Variants in CHCHD3 observed in about 807,000 individuals in gnomAD.
CHCHD3 encodes the protein MICOS complex subunit MIC19.
In CHCHD3, 20 loss-of-function variants were observed where a neutral mutation model predicts 38.2. That is an observed-to-expected ratio of 0.52 (90% CI 0.37 to 0.76). CHCHD3 has a LOEUF of 0.76. Ranked by LOEUF, CHCHD3 falls within the 30% of genes least tolerant of loss-of-function variation. CHCHD3 has a pLI of 0.00. For synonymous variants in CHCHD3, 82 were observed against 100.0 expected, an observed-to-expected ratio of 0.82 and a Z score of 1.07; for missense variants, 245 against 279.2, an observed-to-expected ratio of 0.88 and a Z score of 0.87.
chr7:133,019,133 T>C (rs1813110559), intron 3 of CHCHD3, among the ~76,000 whole-genome samples: 1 of 152,056 alleles, frequency 6.6e-6, no homozygotes, highest in African/African-American at 2.4e-5. Flanking sequence ...TCTGCCCACC[T>C]CAGCCTCCCA....
intron 4 of CHCHD3, among the ~76,000 whole-genome samples, chr7:132,971,983 A>AG (rs1165457105): frequency 1.3e-5 from 2 of 151,256 alleles, no homozygotes; most frequent in Non-Finnish European, 2.9e-5. Context: ...AAACAACAGC[A>AG]GGCTTGCGAT....
At chr7:132,821,747 CT>C (rs71178063) in intron 6 of CHCHD3, among the ~76,000 whole-genome samples, 62 of 100,266 alleles carry the variant, frequency 6.2e-4, no homozygotes, top group African/African-American at 1.4e-3. Context: ...GCACTCAAAT[CT>C]TTTTTTTTTT....
intron 6 of CHCHD3, among the ~76,000 whole-genome samples, chr7:132,823,338 T>A (rs1807431606): frequency 6.6e-6 from 1 of 152,192 alleles, no homozygotes; most frequent in Admixed American, 6.5e-5. Flanking sequence ...ACTATGTTTT[T>A]TCCTACACAT....
Position 132,885,739 on chromosome 7 carries a change from G to C in CHCHD3, c.376C>G (p.Gln126Glu), listed in dbSNP as rs373917058. ...ERAKAKHLARQLEEKDRVLKK... is the reference protein window; with the variant it reads ...ERAKAKHLARELEEKDRVLKK... ...AGCACTCGGTCTTTCTCTTCCAGCTGCCTAGCCTAAAAAAAGAAATGAGGA... is the reference window on the plus strand; with the variant it reads ...AGCACTCGGTCTTTCTCTTCCAGCTCCCTAGCCTAAAAAAAGAAATGAGGA... The change falls in exon 5 of 8, where the codon CAG becomes GAG. Residue 126 changes from glutamine (Q) to glutamate (E), a missense_variant. Transcript: ENST00000262570. The C allele has an allele frequency of 4.7e-5, 76 of 1,606,216 alleles. No homozygotes were observed. The East Asian group carries it at 9.2e-4, about 19-fold the overall frequency.
chr7:132,986,025 A>G (rs1254681104), intron 3 of CHCHD3, among the ~76,000 whole-genome samples: 1 of 150,982 alleles, frequency 6.6e-6, no homozygotes, highest in African/African-American at 2.4e-5. Flanking sequence ...AGAAAGAGGT[A>G]GACATGGGAG....
chr7:133,030,804 T>C (rs547130113), intron 2 of CHCHD3, among the ~76,000 whole-genome samples: 1 of 152,272 alleles, frequency 6.6e-6, no homozygotes, highest in South Asian at 2.1e-4. Flanking sequence ...TAGTTATAGA[T>C]ATAAACACTG....
In CHCHD3 at chr7:132,898,978, C is replaced by T. The variant is rs953759887; in HGVS notation, c.370-13233G>A. On this transcript the variant is annotated intron_variant, in intron 4 of 7. Transcript: ENST00000262570. ...GCCGCACACAGCCCCGGTTCCCGCTCGCGCCTCCCCCTCCACACCTCCCTA... is the reference window on the plus strand; with the variant it reads ...GCCGCACACAGCCCCGGTTCCCGCTTGCGCCTCCCCCTCCACACCTCCCTA... Among the ~76,000 whole-genome samples the T allele has an allele frequency of 3.9e-5, 6 of 152,212 alleles. No homozygotes were observed. The East Asian group carries it at 1.2e-3, about 29-fold the overall frequency.
At chr7:132,937,352 A>G (rs1178312795) in intron 4 of CHCHD3, among the ~76,000 whole-genome samples, 1 of 152,216 alleles carries the variant, frequency 6.6e-6, no homozygotes, top group Non-Finnish European at 1.5e-5. Flanking sequence ...ATACTAAAAT[A>G]ACTGGACTAT....
At chr7:133,025,521 T>C (rs1212895975) in intron 2 of CHCHD3, among the ~76,000 whole-genome samples, 1 of 152,246 alleles carries the variant, frequency 6.6e-6, no homozygotes, top group Non-Finnish European at 1.5e-5. Context: ...TGTTTGTTTG[T>C]TGAGACAGAG....
chr7:133,071,747 C>A (rs1253777794), intron 1 of CHCHD3, among the ~76,000 whole-genome samples: 1 of 152,170 alleles, frequency 6.6e-6, no homozygotes, highest in East Asian at 1.9e-4. Flanking sequence ...CATATCCATA[C>A]AACACTATAC....
At chr7:132,954,971 T>C (rs1811123664) in intron 4 of CHCHD3, among the ~76,000 whole-genome samples, 1 of 152,110 alleles carries the variant, frequency 6.6e-6, no homozygotes, top group Admixed American at 6.6e-5. Flanking sequence ...AGAGATGGGT[T>C]TCCTCTCTGA....
chr7:133,063,880 C>G (rs540647211), intron 2 of CHCHD3, among the ~76,000 whole-genome samples: 2 of 152,136 alleles, frequency 1.3e-5, no homozygotes, highest in Non-Finnish European at 2.9e-5. Context: ...CTGAATTAAT[C>G]TGGTCTGTGT....
chr7:132,990,567 G>C (rs1812249640), intron 3 of CHCHD3, among the ~76,000 whole-genome samples: 2 of 152,252 alleles, frequency 1.3e-5, no homozygotes, highest in South Asian at 4.1e-4. Context: ...GAGAGACATG[G>C]GTGGGGTCTC....
At chr7:132,994,226 C>T (rs1812356248) in intron 3 of CHCHD3, among the ~76,000 whole-genome samples, 1 of 152,140 alleles carries the variant, frequency 6.6e-6, no homozygotes, top group African/African-American at 2.4e-5. Flanking sequence ...AAACTGTGAA[C>T]ACCAAAACAA....
chr7:132,797,431 C>A (rs532654563), intron 6 of CHCHD3, among the ~76,000 whole-genome samples: 1 of 152,180 alleles, frequency 6.6e-6, no homozygotes, highest in Admixed American at 6.5e-5. Context: ...TTTATGGTGA[C>A]CCCATTGGTC....
intron 4 of CHCHD3, among the ~76,000 whole-genome samples, chr7:132,970,400 T>G (rs1160370854): frequency 2.0e-5 from 3 of 152,258 alleles, no homozygotes; most frequent in Non-Finnish European, 4.4e-5. Flanking sequence ...GACTGCTTAC[T>G]GTTTGCTCAG....
intron 7 of CHCHD3, among the ~76,000 whole-genome samples, chr7:132,792,322 G>T (rs1235172752): frequency 3.3e-5 from 5 of 152,224 alleles, no homozygotes; most frequent in Non-Finnish European, 5.9e-5. Context: ...CTGCCAGCCA[G>T]TGCAGAGACA....
In CHCHD3 at chr7:132,937,911, CA is replaced by C. The variant is rs1411625186; in HGVS notation, c.369+37257del. ...AACTGATCTTTCATTTGTTAAAAGA[CA>C]TTTCCTTTTCAAAGTACCTTATTAC... On this transcript the variant is annotated intron_variant, in intron 4 of 7. Transcript: ENST00000262570. Among the ~76,000 whole-genome samples the C allele has an allele frequency of 7.1e-4, 108 of 152,276 alleles. No homozygotes were observed. In the Middle Eastern group the frequency reaches 0.024, roughly 34 times the overall value.
chr7:132,928,784 G>T (rs1308277318), intron 4 of CHCHD3, among the ~76,000 whole-genome samples: 9 of 152,110 alleles, frequency 5.9e-5, no homozygotes, highest in Admixed American at 5.9e-4. Flanking sequence ...GAAAATGGAG[G>T]CCATTCAGGA....
Sources: gnomAD v4.1 joint callset for allele counts (sites outside exome capture counted in the v4.1 genomes callset) on GRCh38, gnomAD v4.1.1 for gene constraint, MANE v1.5 for transcripts, NCBI Gene and HGNC (gene_info 2026-07-23, HGNC 2026-07-21) for gene names.